Variants in MEF2B observed in about 807,000 individuals in gnomAD.
MEF2B encodes myocyte-specific enhancer factor 2B.
In MEF2B, 15 loss-of-function variants were observed where a neutral mutation model predicts 32.2. That is an observed-to-expected ratio of 0.47 (90% confidence interval 0.31 to 0.72). The LOEUF is 0.72. Among genes scored for constraint, MEF2B ranks in the 30% least tolerant of loss-of-function variants. MEF2B has a pLI of 0.05. For missense variants in MEF2B, 441 were observed against 511.5 expected, an observed-to-expected ratio of 0.86 and a Z score of 1.33; for synonymous variants, 205 against 225.6, an observed-to-expected ratio of 0.91 and a Z score of 0.82.
At chr19:19,154,953 C>T (rs1197589188) in intron 1 of MEF2B, among the ~76,000 whole-genome samples, 4 of 152,136 alleles carry the variant, frequency 2.6e-5, no homozygotes, top group South Asian at 2.1e-4. Flanking sequence ...CTCCAGGGTG[C>T]GTTAGTCCTC....
intron 1 of MEF2B, among the ~76,000 whole-genome samples, chr19:19,154,958 G>C (rs1422657713): frequency 6.6e-6 from 1 of 152,158 alleles, no homozygotes; most frequent in Non-Finnish European, 1.5e-5. Context: ...GGGTGCGTTA[G>C]TCCTCCAGAA....
rs750384916 is a variant in MEF2B at position 19,146,798 on chromosome 19, G to A, written c.619C>T (p.Arg207Trp). Residue 207 changes from arginine (R) to tryptophan (W), a missense_variant, in exon 6 of 9, where the codon CGG becomes TGG. Physicochemically the swap from Arg to Trp is moderately radical, Grantham distance 101. This residue lies in a region of MEF2B where 326 missense variants were observed against 328.4 expected (regional missense o/e 0.99). Coordinates refer to ENST00000424583, the MANE Select transcript of MEF2B (RefSeq NM_001145785.2). ...PPPLYLPTEG[R>W]RSDLPGGLAG... Reference sequence around the variant, plus strand: ...AGGCCACCAGGCAGGTCTGACCTCCGCCCTTCCGTCGGCAGGTACAGTGGG... The same window carrying A: ...AGGCCACCAGGCAGGTCTGACCTCCACCCTTCCGTCGGCAGGTACAGTGGG... The A allele has an allele frequency of 6.2e-6, 10 of 1,613,988 alleles. No homozygotes were observed. The highest frequency in any genetic ancestry group is 2.2e-5 in the South Asian group (2 of 91,082).
intron 1 of MEF2B, among the ~76,000 whole-genome samples, chr19:19,166,932 G>A (rs897896450): frequency 8.5e-5 from 13 of 152,062 alleles, no homozygotes; most frequent in Non-Finnish European, 7.4e-5. Flanking sequence ...GGCCAGGTGC[G>A]GTGGCTCACG....
At chr19:19,150,936 A>G (rs541442603) in intron 1 of MEF2B, among the ~76,000 whole-genome samples, 172 bp from the exon 2 acceptor site, 1 of 152,298 alleles carries the variant, frequency 6.6e-6, no homozygotes, top group South Asian at 2.1e-4. Flanking sequence ...CAGCCTTAGG[A>G]TGCAGTAGAG....
chr19:19,150,132 GA>G (rs2060061502), intron 2 of MEF2B, among the ~76,000 whole-genome samples: 1 of 133,888 alleles, frequency 7.5e-6, no homozygotes, highest in Admixed American at 7.6e-5. Flanking sequence ...GGGATGGAAG[GA>G]AGGAGGGAAG....
Position 19,146,220 on chromosome 19 carries a change from C to T in MEF2B, c.881+53G>A, listed in dbSNP as rs2060024815. 3 of 898,664 alleles carry T rather than the reference C, an allele frequency of 3.3e-6. 1 individual carries two copies. The highest frequency in any genetic ancestry group is 3.7e-5 in the Admixed American group (1 of 27,112). The allele number at this position is 898,664 out of a possible 1,614,324, so 55.7% of individuals were successfully genotyped here. ...ACCAGGGATGGCCACCAGGGGTCAG[C>T]AGCGGCCGGGGCTTTGGAGGACTGG... On this transcript the variant is annotated intron_variant, in intron 8 of 8. Coordinates refer to ENST00000424583, the MANE Select transcript of MEF2B (RefSeq NM_001145785.2).
chr19:19,153,806 G>A (rs1391862494), intron 1 of MEF2B, among the ~76,000 whole-genome samples: 2 of 152,050 alleles, frequency 1.3e-5, no homozygotes. Flanking sequence ...GCTGGAGTGC[G>A]GTGGTGAGAT....
intron 1 of MEF2B, among the ~76,000 whole-genome samples, chr19:19,165,900 G>A (rs2060203845): frequency 6.6e-6 from 1 of 152,120 alleles, no homozygotes; most frequent in Admixed American, 6.5e-5. Context: ...ACTGGGCTTG[G>A]AGGGAAACAG....
At chr19:19,165,098 G>A (rs983166610) in intron 1 of MEF2B, among the ~76,000 whole-genome samples, 1 of 152,118 alleles carries the variant, frequency 6.6e-6, no homozygotes, top group East Asian at 1.9e-4. Context: ...ATATCTTCCC[G>A]CAGAAATGTC....
At chr19:19,163,041 CG>C (rs748691060) in intron 1 of MEF2B, among the ~76,000 whole-genome samples, 2 of 152,226 alleles carry the variant, frequency 1.3e-5, no homozygotes, top group Non-Finnish European at 2.9e-5. Flanking sequence ...TCCCTTTGCC[CG>C]GACTGTGTCC....
chr19:19,160,336 G>T (rs2060150937), intron 1 of MEF2B, among the ~76,000 whole-genome samples: 1 of 151,946 alleles, frequency 6.6e-6, no homozygotes, highest in Non-Finnish European at 1.5e-5. Context: ...TTGGAACTGG[G>T]GGCGCTGAGT....
chr19:19,155,865 G>A (rs558350771), intron 1 of MEF2B, among the ~76,000 whole-genome samples: 9 of 152,322 alleles, frequency 5.9e-5, no homozygotes, highest in East Asian at 1.9e-4. Flanking sequence ...GGCCTCTTCC[G>A]CACACACATA....
Position 19,169,883 on chromosome 19 carries a change from C to T in MEF2B, c.-30+322G>A, listed in dbSNP as rs10424982. Among the ~76,000 whole-genome samples the T allele has an allele frequency of 2.8e-3, 424 of 152,268 alleles. 1 individual carries two copies. The highest frequency in any genetic ancestry group is 9.6e-3 in the African/African-American group (400 of 41,548). On this transcript the variant is annotated intron_variant, in intron 1 of 8. Transcript: ENST00000424583. ...ACATCACATGCCACATCACAGAGCT[C>T]ACAGACACATAATAGGGCCTCACAG...
rs2060040921 is a variant in MEF2B, at chr19:19,147,841, A to C, written c.259-9T>G. On this transcript the variant is annotated splice_polypyrimidine_tract_variant and intron_variant, in intron 3 of 8. Coordinates refer to ENST00000424583, the MANE Select transcript of MEF2B (RefSeq NM_001145785.2). Reference sequence around the variant, plus strand: ...CCCCTCCGCTTCAGCGTCTATGGGGACAGGAGACAACAGGGTAGACCCTTA... The same window carrying C: ...CCCCTCCGCTTCAGCGTCTATGGGGCCAGGAGACAACAGGGTAGACCCTTA... The C allele has an allele frequency of 2.5e-6, 4 of 1,611,942 alleles. No homozygotes were observed. Among genetic ancestry groups the C allele is most frequent in the Non-Finnish European group, 3.4e-6 (4 of 1,179,572 alleles).
At chr19:19,154,907 G>A (rs1037163267) in intron 1 of MEF2B, among the ~76,000 whole-genome samples, 2 of 152,226 alleles carry the variant, frequency 1.3e-5, no homozygotes, top group Non-Finnish European at 2.9e-5. Flanking sequence ...GGCCCCCTCT[G>A]TGCTAGGCCT....
intron 1 of MEF2B, among the ~76,000 whole-genome samples, chr19:19,154,114 TA>T (rs1379141778): frequency 6.6e-6 from 1 of 151,992 alleles, no homozygotes; most frequent in African/African-American, 2.4e-5. Flanking sequence ...GATGTGGAGC[TA>T]TGAGAGCATA....
chr19:19,146,493 A>AC, intron 7 of MEF2B, 62 bp downstream of exon 7: 1 of 1,442,732 alleles, frequency 6.9e-7, no homozygotes, highest in East Asian at 2.5e-5. Flanking sequence ...AGGGTGTGGA[A>AC]CCCCCAGAGG....
chr19:19,166,893 G>T (rs1210062143), intron 1 of MEF2B, among the ~76,000 whole-genome samples: 1 of 151,988 alleles, frequency 6.6e-6, no homozygotes, highest in Non-Finnish European at 1.5e-5. Flanking sequence ...GGGAGACCTT[G>T]TCTCTATAAA....
At chr19:19,150,057 C>T (rs1304067341) in intron 2 of MEF2B, among the ~76,000 whole-genome samples, 1 of 137,886 alleles carries the variant, frequency 7.3e-6, no homozygotes, top group Non-Finnish European at 1.5e-5. Flanking sequence ...TGCACTCCAG[C>T]CTGGGCAACA....
Sources: gnomAD v4.1 joint callset for allele counts (sites outside exome capture counted in the v4.1 genomes callset) on GRCh38, gnomAD v4.1.1 for gene constraint, gnomAD v4.1.1 regional missense constraint, MANE v1.5 for transcripts, NCBI Gene and HGNC (gene_info 2026-07-23, HGNC 2026-07-21) for gene names.